Variants in CPED1 observed in about 807,000 individuals in gnomAD.
CPED1 encodes cadherin like and PC-esterase domain containing 1, also known as cadherin-like and PC-esterase domain-containing protein 1.
In CPED1, 114 loss-of-function variants were observed where a neutral mutation model predicts 128.2. The observed-to-expected ratio is 0.89, with a 90% CI of 0.76 to 1.04. The LOEUF is 1.04. Ranked by LOEUF, CPED1 falls within the 50% of genes least tolerant of loss-of-function variation. The pLI, the probability that CPED1 is intolerant of heterozygous loss-of-function variation, is 0.00. For synonymous variants in CPED1, 462 were observed against 426.7 expected (o/e 1.08, Z -1.02); for missense variants, 1,211 against 1,207.1 (o/e 1.00, Z -0.05).
At position 121,244,182 on chromosome 7, in the gene CPED1, A is replaced by G. The variant is rs1798465838; in HGVS notation, c.2174-20A>G. ...CACCAGCAGAAACAGAACCAAAGAAAGTTTTGCCATCTATTCCAGGCCAGT... is the reference window on the plus strand; with the variant it reads ...CACCAGCAGAAACAGAACCAAAGAAGGTTTTGCCATCTATTCCAGGCCAGT... On this transcript the variant is annotated intron_variant, in intron 17 of 22. Transcript: ENST00000310396. The G allele has an allele frequency of 6.2e-7, 1 of 1,614,128 alleles. No individual in the cohort carries two copies. Among genetic ancestry groups the G allele is most frequent in the South Asian group, 1.1e-5 (1 of 91,082 alleles).
intron 16 of CPED1, among the ~76,000 whole-genome samples, chr7:121,184,866 A>G (rs561541649): frequency 9.5e-4 from 145 of 152,318 alleles, no homozygotes; most frequent in African/African-American, 3.3e-3. Flanking sequence ...AGGGAACAAT[A>G]TTCAATATTG....
At chr7:121,098,765 T>TATAAAA in intron 6 of CPED1, among the ~76,000 whole-genome samples, 2 of 38,582 alleles carry the variant, frequency 5.2e-5, no homozygotes, top group African/African-American at 1.7e-4. Flanking sequence ...AAAATATATA[T>TATAAAA]AAATATATAT....
intron 4 of CPED1, among the ~76,000 whole-genome samples, chr7:121,059,769 T>A (rs977970386): frequency 5.9e-5 from 9 of 152,268 alleles, no homozygotes; most frequent in African/African-American, 2.2e-4. Flanking sequence ...ACAATTTAGA[T>A]GCATATTATC....
rs1022845672 is a variant in CPED1, at chr7:121,295,724, C to T, written c.*72C>T. ...CCCGGACAATGGTCTAGGAGCCAAG[C>T]GCTGCACATCGCACACATTTGGGAT... is the stretch of plus-strand genomic sequence containing the variant. On this transcript the variant is annotated 3_prime_UTR_variant, in exon 23 of 23. Coordinates refer to ENST00000310396, the MANE Select transcript of CPED1 (RefSeq NM_024913.5). 11 of 1,247,438 alleles carry T rather than the reference C, an allele frequency of 8.8e-6. No individual in the cohort carries two copies. The highest frequency in any genetic ancestry group is 3.6e-5 in the Admixed American group (2 of 56,004). The allele number at this position is 1,247,438 out of a possible 1,614,324, so 77.3% of individuals were successfully genotyped here. A position where few individuals can be genotyped will look rare whatever the true frequency, so the allele number is the denominator to read the frequency against.
intron 5 of CPED1, among the ~76,000 whole-genome samples, chr7:121,085,564 AG>A (rs898848409): frequency 1.3e-5 from 2 of 152,282 alleles, no homozygotes; most frequent in African/African-American, 4.8e-5. Context: ...CATACAAAAA[AG>A]TGCCTTTCTT....
chr7:121,178,372 C>G (rs1796829771), intron 16 of CPED1, among the ~76,000 whole-genome samples: 1 of 151,968 alleles, frequency 6.6e-6, no homozygotes, highest in East Asian at 1.9e-4. Context: ...AAACTTGCAC[C>G]TATTATACAC....
intron 2 of CPED1, chr7:120,993,981 A>G (rs1796351278): frequency 6.0e-6 from 2 of 331,866 alleles, no homozygotes; most frequent in African/African-American, 2.2e-5. Context: ...GCAAAGGTGA[A>G]GTGGACTCTC....
In CPED1 at chr7:121,015,705, G is replaced by A. The variant is rs201993865; in HGVS notation, c.290G>A (p.Arg97Gln). 209 of 1,602,744 alleles carry A rather than the reference G, an allele frequency of 1.3e-4. No homozygotes were observed. Among genetic ancestry groups the A allele is most frequent in the Admixed American group, 2.6e-4 (15 of 56,698 alleles). The change falls in exon 3 of 23, where the codon CGA (arginine) becomes CAA (glutamine). Residue 97 changes from arginine (R) to glutamine (Q), a missense_variant. Physicochemically the swap from Arg to Gln is conservative, Grantham distance 43. Coordinates refer to ENST00000310396, the MANE Select transcript of CPED1 (RefSeq NM_024913.5). ...GAGACACACTTTGGCAGCCATGGCCGAAGGGCCATACTCTACAGGCCTCCT... is the reference window on the plus strand; with the variant it reads ...GAGACACACTTTGGCAGCCATGGCCAAAGGGCCATACTCTACAGGCCTCCT... ...SMETHFGSHG[R>Q]RAILYRPPFY...
intron 3 of CPED1, among the ~76,000 whole-genome samples, chr7:121,027,561 A>G (rs1402925992): frequency 1.3e-5 from 2 of 151,992 alleles, no homozygotes; most frequent in African/African-American, 2.4e-5. Context: ...AAACAGCTCT[A>G]TGGTACAGCA....
At chr7:120,991,739 C>T (rs544518629) in intron 2 of CPED1, among the ~76,000 whole-genome samples, 46 of 152,258 alleles carry the variant, frequency 3.0e-4, no homozygotes, top group African/African-American at 1.0e-3. Context: ...GTAAAACATT[C>T]ACTTGAGAAT....
chr7:121,144,692 C>G (rs544901361), intron 16 of CPED1, among the ~76,000 whole-genome samples: 1 of 152,060 alleles, frequency 6.6e-6, no homozygotes, highest in South Asian at 2.1e-4. Flanking sequence ...TGGAATGTTC[C>G]TAACACAAAG....
chr7:120,992,191 A>G (rs1247222672), intron 2 of CPED1, among the ~76,000 whole-genome samples: 1 of 152,172 alleles, frequency 6.6e-6, no homozygotes. Context: ...ATTAGATGCT[A>G]TATAGGTTTC....
At chr7:121,190,755 A>G (rs1043851203) in intron 16 of CPED1, among the ~76,000 whole-genome samples, 2 of 151,968 alleles carry the variant, frequency 1.3e-5, no homozygotes, top group African/African-American at 2.4e-5. Context: ...TCCTTTTTTG[A>G]CCGTCAAAAA....
At chr7:121,044,881 C>T (rs933092323) in intron 3 of CPED1, among the ~76,000 whole-genome samples, 1 of 151,850 alleles carries the variant, frequency 6.6e-6, no homozygotes, top group Admixed American at 6.6e-5. Flanking sequence ...ACTCTGAGAC[C>T]AAAACACTGC....
At chr7:121,017,749 T>C (rs572172714) in intron 3 of CPED1, among the ~76,000 whole-genome samples, 1 of 152,338 alleles carries the variant, frequency 6.6e-6, no homozygotes, top group African/African-American at 2.4e-5. Flanking sequence ...TCCCTTGATG[T>C]TCTTGGGTCA....
intron 2 of CPED1, among the ~76,000 whole-genome samples, chr7:121,000,328 A>T (rs1791812003): frequency 6.6e-6 from 1 of 152,202 alleles, no homozygotes; most frequent in Admixed American, 6.6e-5. Flanking sequence ...AGACTTGTTC[A>T]AAATGTAACA....
At chr7:121,159,561 T>G (rs1222462852) in intron 16 of CPED1, among the ~76,000 whole-genome samples, 2 of 152,214 alleles carry the variant, frequency 1.3e-5, no homozygotes, top group Non-Finnish European at 2.9e-5. Flanking sequence ...TATTTTTAAA[T>G]GAACCTACCT....
chr7:120,996,005 G>A (rs1216363799), intron 2 of CPED1, among the ~76,000 whole-genome samples: 1 of 151,400 alleles, frequency 6.6e-6, no homozygotes, highest in East Asian at 1.9e-4. Context: ...AACTCTGGGA[G>A]TGGTGGCTCA....
At chr7:120,995,774 C>T (rs1400854631) in intron 2 of CPED1, among the ~76,000 whole-genome samples, 1 of 152,132 alleles carries the variant, frequency 6.6e-6, no homozygotes, top group Non-Finnish European at 1.5e-5. Flanking sequence ...ATCCATCTGG[C>T]CTGGCTCCTT....
Sources: allele counts gnomAD v4.1 joint callset (sites outside exome capture counted in the v4.1 genomes callset), GRCh38; gene constraint gnomAD v4.1.1; transcripts MANE v1.5; gene names NCBI Gene and HGNC (gene_info 2026-07-23, HGNC 2026-07-21).